Variants in GAN observed in about 807,000 individuals in gnomAD.
GAN encodes gigaxonin.
Under a neutral mutation model 71.3 loss-of-function variants are expected in GAN, and 48 were observed. The observed-to-expected ratio is 0.67, with a 90% confidence interval of 0.53 to 0.86. The LOEUF (loss-of-function observed/expected upper bound fraction) is 0.86, where lower values mean the gene tolerates loss of function less well. Among genes scored for constraint, GAN ranks in the 40% least tolerant of loss-of-function variants. The probability of loss-of-function intolerance (pLI) is 0.00; values close to 1 mark genes in which losing one functional copy is unlikely to be tolerated. For missense variants in GAN, 928 were observed against 770.1 expected, an observed-to-expected ratio of 1.21 and a Z score of -2.43; for synonymous variants, 386 against 276.8, an observed-to-expected ratio of 1.39 and a Z score of -3.92.
At position 81,383,334 on chromosome 16, in the gene GAN, T is replaced by C. The variant is rs112094782; in HGVS notation, c.*5738T>C. 8,073 of 137,988 alleles carry C rather than the reference T, an allele frequency of 0.059. 417 individuals are homozygous for C. The highest frequency in any genetic ancestry group is 0.15 in the African/African-American group (5,599 of 37,998). 8.5% of individuals were successfully genotyped at this position (137,988 alleles called of 1,614,324 possible). On this transcript the variant is annotated 3_prime_UTR_variant, in exon 11 of 11. Transcript: ENST00000648994. ...GTGGTGCGATCTCGGCTCACTGCAA[T>C]CTCCGCCTCCTGGGTTCAAGCAATC...
chr16:81,352,944 T>C (rs910189925), intron 2 of GAN, among the ~76,000 whole-genome samples: 2 of 152,234 alleles, frequency 1.3e-5, no homozygotes, highest in Admixed American at 1.3e-4. Flanking sequence ...GATTTGAAAG[T>C]TGAAACATTA....
intron 9 of GAN, among the ~76,000 whole-genome samples, chr16:81,376,636 ATG>A (rs1567500985): frequency 4.9e-3 from 81 of 16,382 alleles, no homozygotes; most frequent in African/African-American, 0.032. Flanking sequence ...ACATACATAT[ATG>A]TGTGTATATA....
chr16:81,334,604 A>G lies in GAN; in HGVS notation c.168-16979A>G, dbSNP rs562139711. Among the ~76,000 whole-genome samples, 11 of 152,306 alleles carry G rather than the reference A, an allele frequency of 7.2e-5. No homozygotes were observed. The East Asian group carries it at 1.9e-3, about 27-fold the overall frequency. ...CATTCGGATTATTGCACTGGGGACA[A>G]TAGTGGAACTGTGGATAGTGGAACA... On this transcript the variant is annotated intron_variant, in intron 1 of 10. Coordinates refer to ENST00000648994, the MANE Select transcript of GAN (RefSeq NM_022041.4).
At position 81,380,373 on chromosome 16, in the gene GAN, G is replaced by T. The variant is rs1188407945; in HGVS notation, c.*2777G>T. 6.6e-6 allele frequency: 1 copy of T among 152,542 alleles called. No individual in the cohort carries two copies. Among genetic ancestry groups the T allele is most frequent in the Non-Finnish European group, 1.5e-5 (1 of 68,016 alleles). The allele number at this position is 152,542 out of a possible 1,614,324, so 9.4% of individuals were successfully genotyped here. ...TATTTTCAGAAGGAAAGTTGTCTCAGGTTAGAATAAGTAAATATTTAAAGA... is the reference window on the plus strand; with the variant it reads ...TATTTTCAGAAGGAAAGTTGTCTCATGTTAGAATAAGTAAATATTTAAAGA... On this transcript the variant is annotated 3_prime_UTR_variant, in exon 11 of 11. Transcript: ENST00000648994.
Position 81,354,566 on chromosome 16 carries a change from C to T in GAN, c.444C>T (p.His148=), listed in dbSNP as rs764605890. Residue 148 remains histidine, a synonymous_variant, in exon 3 of 11, where the codon CAC becomes CAT. Transcript: ENST00000648994. ...TTGCACTACATTACTGCCTCCATCA[C>T]GTTCATTACCTTGCCACAGAATACC... ...RDFALHYCLH[H]VHYLATEYLE... The T allele has an allele frequency of 1.5e-5, 25 of 1,613,984 alleles. No individual in the cohort carries two copies. Among genetic ancestry groups the T allele is most frequent in the East Asian group, 8.9e-5 (4 of 44,894 alleles).
chr16:81,317,720 G>T (rs554063904), intron 1 of GAN, among the ~76,000 whole-genome samples: 1 of 152,230 alleles, frequency 6.6e-6, no homozygotes, highest in East Asian at 1.9e-4. Flanking sequence ...CCACGTTAGA[G>T]CATTACTTGT....
At chr16:81,338,050 C>A (rs765800023) in intron 1 of GAN, among the ~76,000 whole-genome samples, 3 of 152,192 alleles carry the variant, frequency 2.0e-5, no homozygotes, top group Non-Finnish European at 4.4e-5. Context: ...ACCTTAATCT[C>A]TTCTGTTTAC....
rs576789684 is a variant in GAN at position 81,333,036 on chromosome 16, G to A, written c.167+17756G>A. Among the ~76,000 whole-genome samples, 8 of 152,138 alleles carry A rather than the reference G, an allele frequency of 5.3e-5. No homozygotes were observed. The East Asian group carries it at 5.8e-4, about 11-fold the overall frequency. On this transcript the variant is annotated intron_variant, in intron 1 of 10. Coordinates refer to ENST00000648994, the MANE Select transcript of GAN (RefSeq NM_022041.4). ...GGGCAGATCACAAGGTCAGGAGATC[G>A]AGATCATCCTGGCTAACACAGTGAA...
intron 1 of GAN, 68 bp downstream of exon 1, chr16:81,315,348 C>G (rs888456433): frequency 5.8e-6 from 7 of 1,198,750 alleles, no homozygotes; most frequent in Non-Finnish European, 7.6e-6. Context: ...GCGGCCGGGC[C>G]GGGCGTGGCC....
intron 1 of GAN, among the ~76,000 whole-genome samples, chr16:81,344,672 G>T (rs943392844): frequency 1.3e-5 from 2 of 151,972 alleles, no homozygotes; most frequent in Non-Finnish European, 2.9e-5. Context: ...AGAAAACCTG[G>T]GCAATACCAT....
chr16:81,366,855 C>T (rs544272332), intron 9 of GAN, among the ~76,000 whole-genome samples: 1 of 152,134 alleles, frequency 6.6e-6, no homozygotes, highest in South Asian at 2.1e-4. Flanking sequence ...GAGACAGTCT[C>T]GCTCTGTCGC....
chr16:81,332,723 A>G (rs1382987900), intron 1 of GAN, among the ~76,000 whole-genome samples: 2 of 152,232 alleles, frequency 1.3e-5, no homozygotes, highest in African/African-American at 2.4e-5. Flanking sequence ...TTTCATGACC[A>G]CAGCTCTTCT....
chr16:81,364,749 A>G (rs1010598215), intron 7 of GAN, among the ~76,000 whole-genome samples: 2 of 152,230 alleles, frequency 1.3e-5, no homozygotes, highest in Non-Finnish European at 2.9e-5. Flanking sequence ...AAATAGTATC[A>G]GTTGGAGTAA....
intron 7 of GAN, among the ~76,000 whole-genome samples, chr16:81,364,259 A>ACT (rs535363407): frequency 2.7e-4 from 41 of 150,640 alleles, no homozygotes; most frequent in Middle Eastern, 6.8e-3. Flanking sequence ...TCCCTCTCTT[A>ACT]CTCTCTCTCT....
rs140086886 is a variant in GAN at position 81,344,063 on chromosome 16, A to T, written c.168-7520A>T. The stretch of plus-strand genomic sequence containing the variant: ...AGGAATACAACTTACAAGGGATGTG[A>T]AGGACCTCTTCAAGGAGAACTACAA... On this transcript the variant is annotated intron_variant, in intron 1 of 10. Transcript: ENST00000648994. 9.3e-4 allele frequency among the ~76,000 whole-genome samples: 142 copies of T among 152,350 alleles called. 1 individual carries two copies. The East Asian group carries it at 0.025, about 27-fold the overall frequency.
intron 5 of GAN, among the ~76,000 whole-genome samples, chr16:81,361,052 A>T (rs1009688585): frequency 1.3e-5 from 2 of 152,098 alleles, no homozygotes; most frequent in African/African-American, 4.8e-5. Flanking sequence ...GTGAAACCCC[A>T]TCTCTACTAA....
chr16:81,328,303 C>T (rs1909454759), intron 1 of GAN, among the ~76,000 whole-genome samples: 1 of 152,132 alleles, frequency 6.6e-6, no homozygotes, highest in South Asian at 2.1e-4. Context: ...ATTTACAGTT[C>T]GTCTTTTTAC....
In GAN at chr16:81,351,612, A is replaced by T. The variant is rs923029952; in HGVS notation, c.197A>T (p.Asp66Val). 2.0e-6 allele frequency: 3 copies of T among 1,533,104 alleles called. No individual in the cohort carries two copies. Among genetic ancestry groups the T allele is most frequent in the Non-Finnish European group, 2.7e-6 (3 of 1,105,908 alleles). The allele number at this position is 1,533,104 out of a possible 1,614,324, so 95.0% of individuals were successfully genotyped here. A position where few individuals can be genotyped will look rare whatever the true frequency, so the allele number is the denominator to read the frequency against. The change falls in exon 2 of 11, where the codon GAT becomes GTT. Residue 66 changes from aspartate (D) to valine (V), a missense_variant. By Grantham distance (152) the Asp-to-Val change is radical. Transcript: ENST00000648994. ...AAGTTAAACTATAATCCTCCAAAAGATGATGGATCAACTTATAAGATTGAA... is the reference window on the plus strand; with the variant it reads ...AAGTTAAACTATAATCCTCCAAAAGTTGATGGATCAACTTATAAGATTGAA... ...RTKLNYNPPK[D>V]DGSTYKIELE...
intron 9 of GAN, among the ~76,000 whole-genome samples, chr16:81,365,793 T>C (rs1402656535): frequency 6.6e-6 from 1 of 152,040 alleles, no homozygotes; most frequent in Non-Finnish European, 1.5e-5. Context: ...CTCACACCTG[T>C]AGTCTCAACA....
Sources: allele counts gnomAD v4.1 joint callset (sites outside exome capture counted in the v4.1 genomes callset), GRCh38; gene constraint gnomAD v4.1.1; transcripts MANE v1.5; gene names NCBI Gene and HGNC (gene_info 2026-07-23, HGNC 2026-07-21).